The following FGF13 variants were observed in gnomAD, a reference collection of about 807,000 sequenced individuals.
FGF13 encodes the protein fibroblast growth factor 13, also known as fibroblast growth factor homologous factor 2.
A neutral mutation model predicts 19.5 loss-of-function variants in FGF13; 2 were observed. That is an observed-to-expected ratio of 0.10 (90% CI 0.04 to 0.32). The LOEUF (loss-of-function observed/expected upper bound fraction) is 0.32. FGF13 is among the 10% of genes least tolerant of loss of function. The pLI is 1.00. For missense variants in FGF13, 113 were observed against 192.7 expected, an observed-to-expected ratio of 0.59 and a Z score of 2.45; for synonymous variants, 72 against 76.9, an observed-to-expected ratio of 0.94 and a Z score of 0.33.
intron 1 of FGF13, among the ~76,000 whole-genome samples, chrX:138,977,639 A>G (rs2091945240): frequency 1.8e-5 from 2 of 112,111 alleles, no homozygotes; most frequent in South Asian, 7.4e-4. Context: ...ACAGGTATCA[A>G]AATATATTTG....
chrX:138,943,932 G>C (rs780096882), intron 1 of FGF13, among the ~76,000 whole-genome samples: 2 of 111,360 alleles, frequency 1.8e-5, no homozygotes, highest in African/African-American at 6.5e-5. Context: ...AAGGAGGCTG[G>C]GTACGAATTC....
At chrX:139,114,282 A>T (rs1227350730) in intron 1 of FGF13, among the ~76,000 whole-genome samples, 1 of 112,380 alleles carries the variant, frequency 8.9e-6, no homozygotes, top group Non-Finnish European at 1.9e-5. Context: ...GATGTACAAA[A>T]TACATGAATC....
chrX:139,136,880 C>A (rs981470765), intron 1 of FGF13, among the ~76,000 whole-genome samples: 2 of 111,688 alleles, frequency 1.8e-5, no homozygotes, highest in East Asian at 5.7e-4. Flanking sequence ...GGCTTAGGCA[C>A]CAAGAGACAC....
chrX:138,862,716 G>T (rs1181641279), intron 2 of FGF13, among the ~76,000 whole-genome samples: 1 of 112,072 alleles, frequency 8.9e-6, no homozygotes, highest in Non-Finnish European at 1.9e-5. Flanking sequence ...AAGTTAGCAG[G>T]TTTAAATGTG....
chrX:138,739,291 A>G, exon 1 of FGF13: 1 of 1,196,638 alleles, frequency 8.4e-7, no homozygotes, highest in Non-Finnish European at 1.1e-6. Context: ...AGCTGGTCCT[A>G]CCCAGACAAT....
At chrX:138,773,685 A>G (rs1381501335) in intron 3 of FGF13, among the ~76,000 whole-genome samples, 2 of 112,278 alleles carry the variant, frequency 1.8e-5, no homozygotes, top group African/African-American at 3.2e-5. Flanking sequence ...TACCTTTGCC[A>G]TGGCACAAAA....
At chrX:138,917,996 A>G (rs1285193256) in intron 1 of FGF13, among the ~76,000 whole-genome samples, 1 of 111,410 alleles carries the variant, frequency 9.0e-6, no homozygotes, top group African/African-American at 3.3e-5. Flanking sequence ...TTCATCTGAC[A>G]TAAGGAGGTA....
intron 3 of FGF13, among the ~76,000 whole-genome samples, chrX:138,702,677 T>C (rs1489920496): frequency 8.9e-6 from 1 of 111,986 alleles, no homozygotes; most frequent in African/African-American, 3.2e-5. Context: ...ATGACTTTGT[T>C]TCCCACAGCT....
chrX:138,771,680 G>A (rs2090546140), intron 3 of FGF13, among the ~76,000 whole-genome samples: 1 of 110,190 alleles, frequency 9.1e-6, no homozygotes, highest in South Asian at 3.9e-4. Context: ...TTCCCTGACT[G>A]CAAGATAGAG....
intron 1 of FGF13, among the ~76,000 whole-genome samples, chrX:139,034,728 T>G (rs1345031770): frequency 3.6e-5 from 4 of 111,983 alleles, no homozygotes; most frequent in African/African-American, 1.3e-4. Flanking sequence ...TCCTATTTAT[T>G]TTCTTAAATA....
At chrX:138,736,842 C>T (rs778045588) in intron 1 of FGF13, among the ~76,000 whole-genome samples, 2 of 109,016 alleles carry the variant, frequency 1.8e-5, no homozygotes, top group South Asian at 8.3e-4. Flanking sequence ...GTAGGAATAG[C>T]CACTGAATAG....
At chrX:139,079,687 A>C (rs1318608137) in intron 1 of FGF13, among the ~76,000 whole-genome samples, 1 of 111,403 alleles carries the variant, frequency 9.0e-6, no homozygotes, top group Non-Finnish European at 1.9e-5. Context: ...GAGATGGACA[A>C]GTGTACCAAC....
intron 1 of FGF13, among the ~76,000 whole-genome samples, chrX:138,724,015 G>C (rs2090167067): frequency 8.9e-6 from 1 of 111,876 alleles, no homozygotes; most frequent in Non-Finnish European, 1.9e-5. Flanking sequence ...CAACCAGCAA[G>C]TGACACTATG....
In FGF13 at chrX:138,818,499, GACACACACACACACACAC is replaced by G. The variant is rs371760908; in HGVS notation, c.217+38995_217+39012del. ...TTATATAAGGATATATATATGCACA[GACACACACACACACACAC>G]ACACACACACACACACACACACACA... On this transcript the variant is annotated intron_variant, in intron 3 of 6. Coordinates refer to the FGF13 transcript ENST00000436198. 2.2e-3 allele frequency among the ~76,000 whole-genome samples: 190 copies of G among 84,787 alleles called. 2 individuals are homozygous for G. The highest frequency in any genetic ancestry group is 7.9e-3 in the African/African-American group (183 of 23,175). The allele number at this position is 84,787 out of a possible 115,157, so 73.6% of individuals were successfully genotyped here.
chrX:139,143,235 T>G (rs1462890610), intron 1 of FGF13, among the ~76,000 whole-genome samples: 2 of 111,786 alleles, frequency 1.8e-5, no homozygotes, highest in African/African-American at 6.5e-5. Context: ...TGTGTTTGGA[T>G]ATTTATGTGG....
chrX:139,057,837 C>T (rs1014448548), intron 1 of FGF13, among the ~76,000 whole-genome samples: 2 of 112,060 alleles, frequency 1.8e-5, no homozygotes, highest in African/African-American at 6.5e-5. Context: ...ATAGGGAAAT[C>T]AAATTAATGA....
Position 138,625,757 on chromosome X carries a change from A to T in FGF13, c.*7093T>A, listed in dbSNP as rs1210522634. ...GGTGAGGTAACGTGGAGCTGTAAAA[A>T]AAATTATTTTAATTTTTCACCTTTA... On this transcript the variant is annotated 3_prime_UTR_variant, in exon 5 of 5. Coordinates refer to ENST00000315930, the MANE Select transcript of FGF13 (RefSeq NM_004114.5). 9.2e-6 allele frequency: 1 copy of T among 109,262 alleles called. No individual in the cohort carries two copies. The highest frequency in any genetic ancestry group is 3.3e-5 in the African/African-American group (1 of 30,103). 9.0% of individuals were successfully genotyped at this position (109,262 alleles called of 1,213,427 possible).
At chrX:138,752,467 A>G (rs2124318906) in intron 3 of FGF13, among the ~76,000 whole-genome samples, 1 of 112,273 alleles carries the variant, frequency 8.9e-6, no homozygotes, top group South Asian at 3.8e-4. Flanking sequence ...GCATATTGGA[A>G]TATGTGTTTT....
At chrX:138,653,036 G>C (rs149754580) in intron 3 of FGF13, among the ~76,000 whole-genome samples, 1,320 of 111,967 alleles carry the variant, frequency 0.012, 18 homozygotes, top group African/African-American at 0.038. Flanking sequence ...AGATTGAACA[G>C]TAAAACATCG....
Sources: allele counts gnomAD v4.1 joint callset (sites outside exome capture counted in the v4.1 genomes callset), GRCh38; gene constraint gnomAD v4.1.1; transcripts MANE v1.5; gene names NCBI Gene and HGNC (gene_info 2026-07-23, HGNC 2026-07-21).